Variants in SLC12A4 observed in about 807,000 individuals in gnomAD.
SLC12A4 encodes the protein electroneutral potassium-chloride cotransporter 1.
SLC12A4 carries 84 observed loss-of-function variants against 119.2 expected under a neutral mutation model. The observed-to-expected ratio is 0.70, with a 90% CI of 0.59 to 0.85. SLC12A4 has a LOEUF of 0.85. Among genes scored for constraint, SLC12A4 ranks in the 40% least tolerant of loss-of-function variants. The probability of loss-of-function intolerance (pLI) is 0.00; values close to 1 mark genes in which losing one functional copy is unlikely to be tolerated. For synonymous variants in SLC12A4, 599 were observed against 604.6 expected, an observed-to-expected ratio of 0.99 and a Z score of 0.14; for missense variants, 1,298 against 1,476.3, an observed-to-expected ratio of 0.88 and a Z score of 1.98.
At position 67,949,306 on chromosome 16, in the gene SLC12A4, CT is replaced by C. The variant is rs1157641896; in HGVS notation, c.1748+493del. 2.0e-5 allele frequency among the ~76,000 whole-genome samples: 3 copies of C among 152,132 alleles called. No individual in the cohort carries two copies. Among genetic ancestry groups the C allele is most frequent in the Non-Finnish European group, 2.9e-5 (2 of 68,032 alleles). On this transcript the variant is annotated intron_variant, in intron 13 of 23. Transcript: ENST00000316341. The surrounding 1 kb of genome is among the most constrained non-coding windows in gnomAD (Gnocchi z 4.6). Reference sequence around the variant, plus strand: ...CTCTACTAAAAATACAAAAAATTAGCTGGGCGTGGTGGTGCATTTCTGTAAT... The same window carrying C: ...CTCTACTAAAAATACAAAAAATTAGCGGGCGTGGTGGTGCATTTCTGTAAT...
rs767014703 is a variant in SLC12A4 at position 67,952,167 on chromosome 16, A to T, written c.917+17T>A. ...GGATGTCCATGCAATGCCCAGATAA[A>T]TTCCTGGGTTACTTACGGAAACACG... On this transcript the variant is annotated intron_variant, in intron 7 of 23. Coordinates refer to ENST00000316341, the MANE Select transcript of SLC12A4 (RefSeq NM_005072.5). The T allele has an allele frequency of 5.6e-6, 9 of 1,613,268 alleles. No individual in the cohort carries two copies. In the South Asian group the frequency reaches 9.9e-5, roughly 18 times the overall value.
At chr16:67,946,733 G>A (rs1341047279) in intron 17 of SLC12A4, 100 bp from the exon 18 acceptor site, 2 of 1,402,468 alleles carry the variant, frequency 1.4e-6, no homozygotes, top group Non-Finnish European at 1.9e-6. Context: ...TTGGGTGGAG[G>A]AGGGCCTGGG....
chr16:67,948,266 C>A, intron 13 of SLC12A4, 107 bp from the exon 14 acceptor site: 1 of 982,318 alleles, frequency 1.0e-6, no homozygotes, highest in Non-Finnish European at 1.6e-6. Flanking sequence ...CCCTGCCCTG[C>A]ATGGCTCAGC....
intron 1 of SLC12A4, among the ~76,000 whole-genome samples, chr16:67,964,291 C>T (rs550611524): frequency 6.6e-6 from 1 of 152,352 alleles, no homozygotes; most frequent in South Asian, 2.1e-4. Flanking sequence ...CCAGGCAAAC[C>T]TCCGCCTACA....
At position 67,958,009 on chromosome 16, in the gene SLC12A4, C is replaced by G. The variant is rs141697441; in HGVS notation, c.378G>C (p.Leu126=). ...CCCCAAAGATATTCTGCAGGCAGGG[C>G]AGGTACACCCCCATGAGGGTGCCCA... is the stretch of plus-strand genomic sequence containing the variant. ...PSMGTLMGVY[L]PCLQNIFGVI... is the part of the protein sequence containing the mutation. Residue 126 remains leucine (L), a synonymous_variant, in exon 4 of 24, where the codon CTG becomes CTC. Transcript: ENST00000316341. 1.2e-6 allele frequency: 2 copies of G among 1,614,142 alleles called. No homozygotes were observed. The highest frequency in any genetic ancestry group is 1.7e-6 in the Non-Finnish European group (2 of 1,180,002).
intron 3 of SLC12A4, among the ~76,000 whole-genome samples, chr16:67,958,794 C>T (rs1031016298): frequency 1.2e-4 from 18 of 152,216 alleles, no homozygotes; most frequent in African/African-American, 3.4e-4. Flanking sequence ...CTGGGAGAGT[C>T]GGCCCTGCCT....
chr16:67,968,664 C>A, upstream of SLC12A4: 2 of 1,283,126 alleles, frequency 1.6e-6, no homozygotes, highest in South Asian at 2.6e-5. Context: ...TTCCTCCCCG[C>A]TGCGCTCACT....
At chr16:67,959,744 C>A (rs1162347549) in intron 3 of SLC12A4, among the ~76,000 whole-genome samples, 1 of 152,194 alleles carries the variant, frequency 6.6e-6, no homozygotes, top group Non-Finnish European at 1.5e-5. Flanking sequence ...GCAGGGTGGG[C>A]CGGAAATGCT....
In SLC12A4 at chr16:67,951,110, G is replaced by A. The variant is rs753805763; in HGVS notation, c.1297+30C>T. The A allele has an allele frequency of 3.1e-6, 5 of 1,613,728 alleles. 1 individual carries two copies. In the South Asian group the frequency reaches 4.4e-5, roughly 14 times the overall value. On this transcript the variant is annotated intron_variant, in intron 9 of 23. Coordinates refer to ENST00000316341, the MANE Select transcript of SLC12A4 (RefSeq NM_005072.5). This position sits in a 1 kb window ranked among gnomAD's most constrained non-coding sequence, Gnocchi z 5.2. Reference sequence around the variant, plus strand: ...CAGGGGCTCCCCGGGATTGGGGACAGGGCTGGGTGGGTAGGCAGGCAGGGC... The same window carrying A: ...CAGGGGCTCCCCGGGATTGGGGACAAGGCTGGGTGGGTAGGCAGGCAGGGC...
At chr16:67,954,358 C>T in intron 6 of SLC12A4, 1 of 469,238 alleles carries the variant, frequency 2.1e-6, no homozygotes, top group Non-Finnish European at 3.9e-6. Flanking sequence ...CTGAATACAA[C>T]AGTTCCTGGA....
rs971669741 is a variant in SLC12A4, at chr16:67,949,516, G to C, written c.1748+284C>G. 9 of 320,690 alleles carry C rather than the reference G, an allele frequency of 2.8e-5. No homozygotes were observed. Among genetic ancestry groups the C allele is most frequent in the Non-Finnish European group, 4.0e-5 (7 of 175,598 alleles). The allele number at this position is 320,690 out of a possible 1,614,324, so 19.9% of individuals were successfully genotyped here. On this transcript the variant is annotated intron_variant, in intron 13 of 23. Coordinates refer to ENST00000316341, the MANE Select transcript of SLC12A4 (RefSeq NM_005072.5). This position sits in a 1 kb window ranked among gnomAD's most constrained non-coding sequence, Gnocchi z 4.6. ...GAAGGGGCAGCAGTGGCTTCATGGA[G>C]GCATGAGGGACGCGGTGGTTGCCCT...
rs1442247796 is a variant in SLC12A4 at position 67,945,960 on chromosome 16, C to T, written c.2730G>A (p.Val910=). 1 of 1,613,534 alleles carries T rather than the reference C, an allele frequency of 6.2e-7. No individual in the cohort carries two copies. The highest frequency in any genetic ancestry group is 8.5e-7 in the Non-Finnish European group (1 of 1,179,556). Residue 910 remains valine, a synonymous_variant, in exon 20 of 24, where the codon GTG becomes GTA. Transcript: ENST00000316341. ...AGGGCAGAGGGCTCACCATCTCCAC[C>T]ACCTCCACCTCGGCCTCAAGGCGCA... The part of the protein sequence containing the change: ...YHLRLEAEVE[V]VEMHNSDISA...
In SLC12A4 at chr16:67,951,968, C is replaced by T. The variant is rs1483483405; in HGVS notation, c.987G>A (p.Val329=). The T allele has an allele frequency of 1.9e-6, 3 of 1,614,120 alleles. No homozygotes were observed. Among genetic ancestry groups the T allele is most frequent in the Admixed American group, 3.3e-5 (2 of 60,014 alleles). Residue 329 remains valine, a synonymous_variant, in exon 8 of 24, where the codon GTG becomes GTA. Coordinates refer to ENST00000316341, the MANE Select transcript of SLC12A4 (RefSeq NM_005072.5). The surrounding 1 kb of genome is among the most constrained non-coding windows in gnomAD (Gnocchi z 5.2). ...GCTGGGTGGCCACTGTCTCATTGTC[C>T]ACTACAGCTGTCTTGGCACAGATGT... ...QFDICAKTAV[V]DNETVATQLW...
At position 67,947,751 on chromosome 16, in the gene SLC12A4, G is replaced by A; in HGVS notation, c.1885C>T (p.Leu629Phe). Residue 629 changes from leucine to phenylalanine, a missense_variant, in exon 15 of 24, where the codon CTT (leucine) becomes TTT (phenylalanine). Coordinates refer to ENST00000316341, the MANE Select transcript of SLC12A4 (RefSeq NM_005072.5). Reference sequence around the variant, plus strand: ...TAGTACCAGGAGGAGACAAACATAAGGGCCAGGCAGAGACTCATGCCCAGG... The same window carrying A: ...TAGTACCAGGAGGAGACAAACATAAAGGCCAGGCAGAGACTCATGCCCAGG... ...SFLGMSLCLALMFVSSWYYAL... is the reference protein window; with the variant it reads ...SFLGMSLCLAFMFVSSWYYAL... 1 of 1,600,488 alleles carries A rather than the reference G, an allele frequency of 6.2e-7. No homozygotes were observed. The highest frequency in any genetic ancestry group is 8.5e-7 in the Non-Finnish European group (1 of 1,173,814).
rs1280655940 is a variant in SLC12A4 at position 67,948,077 on chromosome 16, A to T, written c.1831T>A (p.Phe611Ile). 5 of 1,612,920 alleles carry T rather than the reference A, an allele frequency of 3.1e-6. No homozygotes were observed. The highest frequency in any genetic ancestry group is 4.2e-6 in the Non-Finnish European group (5 of 1,179,950). ...LLRTPNWRPR[F>I]KYYHWALSFL... The stretch of plus-strand genomic sequence containing the variant: ...ATGGCTCACCAGTGATAGTACTTGA[A>T]CCGGGGCCGCCAGTTGGGGGTCCTC... The change falls in exon 14 of 24, where the codon TTC (phenylalanine) becomes ATC (isoleucine). Residue 611 changes from phenylalanine to isoleucine, a missense_variant. Coordinates refer to ENST00000316341, the MANE Select transcript of SLC12A4 (RefSeq NM_005072.5).
At chr16:67,954,198 C>G (rs935883259) in intron 6 of SLC12A4, 4 of 370,828 alleles carry the variant, frequency 1.1e-5, no homozygotes, top group Admixed American at 3.4e-5. Flanking sequence ...CGACCTCCAG[C>G]AGGGTTCTGT....
At chr16:67,961,797 G>T in intron 2 of SLC12A4, 91 bp from the exon 3 acceptor site, 1 of 1,541,374 alleles carries the variant, frequency 6.5e-7, no homozygotes, top group Non-Finnish European at 8.9e-7. Flanking sequence ...CCTGTTCCAA[G>T]CCCTGAGACA....
At chr16:67,963,753 A>C (rs1156689714) in intron 1 of SLC12A4, among the ~76,000 whole-genome samples, 194 bp from the exon 2 acceptor site, 3 of 152,192 alleles carry the variant, frequency 2.0e-5, no homozygotes, top group Non-Finnish European at 2.9e-5. Flanking sequence ...GAGGCCAGTG[A>C]CCAAAACCTG....
chr16:67,944,195 G>A lies in SLC12A4; in HGVS notation c.*645C>T, dbSNP rs1003101800. ...GGGCCCTAGGGCCAGTGGGAGGGAC[G>A]GCCTGGCCAGTGGGGGTTGTGGCCA... On this transcript the variant is annotated 3_prime_UTR_variant, in exon 24 of 24. Transcript: ENST00000316341. The surrounding 1 kb of genome is among the most constrained non-coding windows in gnomAD (Gnocchi z 6.6). 27 of 1,488,154 alleles carry A rather than the reference G, an allele frequency of 1.8e-5. No homozygotes were observed. The highest frequency in any genetic ancestry group is 1.1e-4 in the Admixed American group (5 of 46,366). The allele number at this position is 1,488,154 out of a possible 1,614,324, so 92.2% of individuals were successfully genotyped here. A position where few individuals can be genotyped will look rare whatever the true frequency, so the allele number is the denominator to read the frequency against.
Sources: gnomAD v4.1 joint callset for allele counts (sites outside exome capture counted in the v4.1 genomes callset) on GRCh38, gnomAD v4.1.1 for gene constraint, Gnocchi (gnomAD v3.1) non-coding constraint, MANE v1.5 for transcripts, NCBI Gene and HGNC (gene_info 2026-07-23, HGNC 2026-07-21) for gene names.